Variants in PLCZ1 observed in about 807,000 individuals in gnomAD.
PLCZ1 encodes phospholipase C zeta 1.
PLCZ1 carries 64 observed loss-of-function variants against 76.8 expected under a neutral mutation model. The observed-to-expected ratio is 0.83, with a 90% CI of 0.68 to 1.03. The LOEUF is 1.03. Among genes scored for constraint, PLCZ1 ranks in the 50% least tolerant of loss-of-function variants. The pLI, the probability that PLCZ1 is intolerant of heterozygous loss-of-function variation, is 0.00. For synonymous variants in PLCZ1, 248 were observed against 230.8 expected (o/e 1.07, Z -0.68); for missense variants, 751 against 713.7 (o/e 1.05, Z -0.60).
the PLCZ1 span, among the ~76,000 whole-genome samples, chr12:18,651,827 A>G: frequency 6.6e-6 from 1 of 152,156 alleles, no homozygotes; most frequent in Non-Finnish European, 1.5e-5. Flanking sequence ...TCACAGACAT[A>G]TGCATGAGGC....
intron 9 of PLCZ1, among the ~76,000 whole-genome samples, chr12:18,700,479 G>C (rs190868032): frequency 1.5e-5 from 2 of 129,956 alleles, no homozygotes; most frequent in Non-Finnish European, 3.1e-5. Context: ...ATTGGTTCTG[G>C]GATGTGCGCA....
At chr12:18,702,779 C>A (rs1305599372) in intron 7 of PLCZ1, among the ~76,000 whole-genome samples, 4 of 147,064 alleles carry the variant, frequency 2.7e-5, no homozygotes, top group East Asian at 2.0e-4. Flanking sequence ...CTAGGCAATT[C>A]TTTTACACAC....
chr12:18,720,104 G>A (rs868139095), intron 4 of PLCZ1, among the ~76,000 whole-genome samples: 20 of 152,118 alleles, frequency 1.3e-4, no homozygotes, highest in Middle Eastern at 3.4e-3. Flanking sequence ...AATTGACTCA[G>A]ACAGTATGTA....
the PLCZ1 span, among the ~76,000 whole-genome samples, chr12:18,677,000 A>G: frequency 2.6e-5 from 4 of 152,124 alleles, no homozygotes; most frequent in African/African-American, 9.7e-5. Context: ...TACTGAACAG[A>G]TATTTGTCAT....
intron 5 of PLCZ1, among the ~76,000 whole-genome samples, chr12:18,713,393 C>G (rs1181841387): frequency 2.0e-5 from 3 of 152,098 alleles, no homozygotes; most frequent in Admixed American, 2.0e-4. Flanking sequence ...TCAAAGCCCT[C>G]TCAGAATAGT....
the PLCZ1 span, among the ~76,000 whole-genome samples, chr12:18,651,302 GCC>G: frequency 6.6e-5 from 10 of 152,044 alleles, no homozygotes; most frequent in Middle Eastern, 3.4e-3. Flanking sequence ...CTCCGTCTCT[GCC>G]CTGCCTACCT....
At chr12:18,692,734 T>A in intron 12 of PLCZ1, 1 of 918,278 alleles carries the variant, frequency 1.1e-6, no homozygotes, top group Non-Finnish European at 1.7e-6. Flanking sequence ...AAAGAAAAAA[T>A]GTTAAAAGCT....
At chr12:18,729,416 G>A (rs2150749852) in intron 3 of PLCZ1, among the ~76,000 whole-genome samples, 1 of 151,978 alleles carries the variant, frequency 6.6e-6, no homozygotes, top group East Asian at 1.9e-4. Flanking sequence ...TTATAAAACA[G>A]TAATTTCTGC....
the PLCZ1 span, among the ~76,000 whole-genome samples, chr12:18,654,533 T>G: frequency 6.6e-6 from 1 of 152,156 alleles, no homozygotes; most frequent in Non-Finnish European, 1.5e-5. Flanking sequence ...GTATAAAGGA[T>G]GAAAACGCAT....
chr12:18,661,343 G>GAC, the PLCZ1 span, among the ~76,000 whole-genome samples: 59,606 of 150,918 alleles, frequency 0.39, 13,846 homozygotes, highest in South Asian at 0.59. Context: ...CCCGTACCAA[G>GAC]ACATTATAAT....
chr12:18,662,136 T>A, the PLCZ1 span, among the ~76,000 whole-genome samples: 2 of 151,960 alleles, frequency 1.3e-5, no homozygotes, highest in African/African-American at 4.8e-5. Context: ...AGATGGAAAG[T>A]GCAAGGAGGG....
At chr12:18,651,060 G>A in the PLCZ1 span, among the ~76,000 whole-genome samples, 7 of 151,812 alleles carry the variant, frequency 4.6e-5, no homozygotes, top group East Asian at 1.4e-3. Context: ...AACCTAAAAG[G>A]CCCTATGTGA....
intron 3 of PLCZ1, 122 bp from the exon 4 acceptor site, chr12:18,723,664 TTC>T: frequency 1.2e-6 from 1 of 849,046 alleles, no homozygotes; most frequent in Non-Finnish European, 1.9e-6. Context: ...TTACATTGGA[TTC>T]TTATTGAAGA....
the PLCZ1 span, among the ~76,000 whole-genome samples, chr12:18,655,055 A>AAT: frequency 1.5e-4 from 1 of 6,824 alleles, no homozygotes; most frequent in African/African-American, 5.2e-4. Context: ...AAACAATAAT[A>AAT]AAAAAAAATA....
At chr12:18,717,909 T>G (rs1408638323) in intron 5 of PLCZ1, among the ~76,000 whole-genome samples, 1 of 152,168 alleles carries the variant, frequency 6.6e-6, no homozygotes, top group Admixed American at 6.5e-5. Context: ...TATTGGTCAT[T>G]TCCCAAGCTA....
At position 18,683,381 on chromosome 12, in the gene PLCZ1, AAT is replaced by A; in HGVS notation, c.1742-59_1742-58del. ...TAACCAATTAATCAGTGGTGTCTCC[AAT>A]AGCCTTGCTGAGAAACAAGAGCTCT... On this transcript the variant is annotated intron_variant, in intron 14 of 14. Transcript: ENST00000266505. 6.4e-6 allele frequency: 10 copies of A among 1,558,604 alleles called. No homozygotes were observed. In the South Asian group the frequency reaches 1.1e-4, roughly 17 times the overall value.
downstream of PLCZ1, among the ~76,000 whole-genome samples, chr12:18,678,879 T>C (rs1952178727): frequency 6.6e-6 from 1 of 152,032 alleles, no homozygotes; most frequent in Non-Finnish European, 1.5e-5. Context: ...GCTTGAGTTA[T>C]ATGGTAGGGA....
rs997310439 is a variant in PLCZ1 at position 18,705,204 on chromosome 12, T to G, written c.826A>C (p.Met276Leu). Residue 276 changes from methionine to leucine, a missense_variant, in exon 7 of 15, where the codon ATG becomes CTG. Physicochemically the swap from Met to Leu is conservative, Grantham distance 15. Coordinates refer to ENST00000266505, the MANE Select transcript of PLCZ1 (RefSeq NM_033123.4). ...ATFGESLLSD[M>L]LDDFPDTLPS... ...AGAGTATCAGGAAAATCATCAAGCA[T>G]ATCAGAAAGCAAGGACTCTCCAAAA... 1.2e-6 allele frequency: 2 copies of G among 1,613,932 alleles called. No individual in the cohort carries two copies. Among genetic ancestry groups the G allele is most frequent in the Non-Finnish European group, 1.7e-6 (2 of 1,179,998 alleles).
the PLCZ1 span, among the ~76,000 whole-genome samples, chr12:18,660,185 T>C: frequency 2.0e-5 from 3 of 152,128 alleles, no homozygotes; most frequent in African/African-American, 7.2e-5. Context: ...TAGGTCAATT[T>C]CAGCTCTTAA....
Sources: gnomAD v4.1 joint callset for allele counts (sites outside exome capture counted in the v4.1 genomes callset) on GRCh38, gnomAD v4.1.1 for gene constraint, MANE v1.5 for transcripts, NCBI Gene and HGNC (gene_info 2026-07-23, HGNC 2026-07-21) for gene names.